The following PTPRQ variants were observed in gnomAD, a reference collection of about 807,000 sequenced individuals.
PTPRQ encodes protein tyrosine phosphatase receptor type Q.
PTPRQ carries 199 observed loss-of-function variants against 246.0 expected under a neutral mutation model. That is an observed-to-expected ratio of 0.81 (90% confidence interval 0.72 to 0.91). The LOEUF (loss-of-function observed/expected upper bound fraction) is 0.91. Ranked by LOEUF, PTPRQ falls within the 40% of genes least tolerant of loss-of-function variation. PTPRQ has a pLI of 0.00. For missense variants in PTPRQ, 2,624 were observed against 2,528.4 expected (o/e 1.04, Z -0.81); for synonymous variants, 869 against 853.2 (o/e 1.02, Z -0.32).
intron 17 of PTPRQ, among the ~76,000 whole-genome samples, chr12:80,511,536 C>T (rs1170868061): frequency 6.6e-6 from 1 of 152,138 alleles, no homozygotes; most frequent in Non-Finnish European, 1.5e-5. Flanking sequence ...CTCTTACACT[C>T]CCAAGAGATA....
Position 80,534,992 on chromosome 12 carries a change from A to G in PTPRQ, c.2940A>G (p.Gln980=), listed in dbSNP as rs749288057. The G allele has an allele frequency of 3.2e-6, 5 of 1,545,426 alleles. No individual in the cohort carries two copies. The South Asian group carries it at 3.7e-5, about 11-fold the overall frequency. ...TPPSKPNGII[Q]YYSVYYRNTS... Reference sequence around the variant, plus strand: ...CTTCAAAACCTAATGGGATTATACAATATTACTCTGTTTATTACAGAAATA... The same window carrying G: ...CTTCAAAACCTAATGGGATTATACAGTATTACTCTGTTTATTACAGAAATA... Residue 980 remains glutamine (Q), a synonymous_variant, in exon 19 of 45, where the codon CAA becomes CAG. Transcript: ENST00000644991.
intron 21 of PTPRQ, 54 bp downstream of exon 21, chr12:80,541,899 C>T (rs1413708457): frequency 9.5e-6 from 14 of 1,477,322 alleles, no homozygotes; most frequent in Non-Finnish European, 1.3e-5. Context: ...TTTTCATTTA[C>T]ATTGCTTTCT....
chr12:80,626,446 G>A (rs1899203910), intron 33 of PTPRQ, among the ~76,000 whole-genome samples: 1 of 152,116 alleles, frequency 6.6e-6, no homozygotes, highest in Non-Finnish European at 1.5e-5. Flanking sequence ...TGAAATGTTT[G>A]TTAATAAAGA....
intron 25 of PTPRQ, among the ~76,000 whole-genome samples, chr12:80,563,617 C>T (rs953355885): frequency 2.6e-5 from 4 of 152,056 alleles, no homozygotes; most frequent in Non-Finnish European, 5.9e-5. Flanking sequence ...GGTAGAAATC[C>T]GGGTTTCCAA....
rs143468337 is a variant in PTPRQ, at chr12:80,476,510, C to G, written c.1186+4259C>G. Among the ~76,000 whole-genome samples, 428 of 152,218 alleles carry G rather than the reference C, an allele frequency of 2.8e-3. 3 individuals are homozygous for G. Among genetic ancestry groups the G allele is most frequent in the South Asian group, 4.8e-3 (23 of 4,826 alleles). Reference sequence around the variant, plus strand: ...ATATCTAGGGAGTCTTTACCGGTTACTTCATGAAGACAAAGGAAAAAACTC... The same window carrying G: ...ATATCTAGGGAGTCTTTACCGGTTAGTTCATGAAGACAAAGGAAAAAACTC... On this transcript the variant is annotated intron_variant, in intron 8 of 44. Transcript: ENST00000644991.
At chr12:80,670,898 G>T (rs1900947900) in intron 42 of PTPRQ, among the ~76,000 whole-genome samples, 1 of 152,020 alleles carries the variant, frequency 6.6e-6, no homozygotes, top group Admixed American at 6.6e-5. Context: ...GTTGATATTT[G>T]CACAACATTG....
chr12:80,515,314 C>T (rs115017257), intron 17 of PTPRQ, among the ~76,000 whole-genome samples: 4,136 of 152,162 alleles, frequency 0.027, 194 homozygotes, highest in African/African-American at 0.095. Context: ...TCATTGTTAG[C>T]AGGATTACTG....
At chr12:80,450,285 G>C (rs369383297) in intron 3 of PTPRQ, among the ~76,000 whole-genome samples, 1 of 152,224 alleles carries the variant, frequency 6.6e-6, no homozygotes. Context: ...GGGCTGAGAC[G>C]ATGGGGTTTT....
In PTPRQ at chr12:80,661,309, G is replaced by GTA. The variant is rs1351022252; in HGVS notation, c.6192+3257_6192+3258dup. The stretch of plus-strand genomic sequence containing the variant: ...TTTTATATGTCTATATTTTATATAT[G>GTA]TATATATATAATATAAACATATATA... On this transcript the variant is annotated intron_variant, in intron 39 of 44. Coordinates refer to ENST00000644991, the MANE Select transcript of PTPRQ (RefSeq NM_001145026.2). 2.0e-5 allele frequency among the ~76,000 whole-genome samples: 3 copies of GTA among 147,492 alleles called. No homozygotes were observed. In the East Asian group the frequency reaches 5.9e-4, roughly 29 times the overall value.
Position 80,549,540 on chromosome 12 carries a change from A to C in PTPRQ, c.4091A>C (p.Lys1364Thr). Residue 1364 changes from lysine (K) to threonine (T), a missense_variant, in exon 25 of 45, where the codon AAA (lysine) becomes ACA (threonine). Coordinates refer to ENST00000644991, the MANE Select transcript of PTPRQ (RefSeq NM_001145026.2). ...GTTTTAGTGAAATGGGATCCACCCA[A>C]AAAGGCAAATGGAATAATAACGCAG... ...QSVLVKWDPP[K>T]KANGIITQYM... 2 of 1,551,202 alleles carry C rather than the reference A, an allele frequency of 1.3e-6. No individual in the cohort carries two copies. The highest frequency in any genetic ancestry group is 1.7e-6 in the Non-Finnish European group (2 of 1,146,584).
intron 29 of PTPRQ, among the ~76,000 whole-genome samples, chr12:80,615,832 G>A (rs1450351249): frequency 1.3e-5 from 2 of 150,996 alleles, no homozygotes; most frequent in African/African-American, 4.8e-5. Context: ...TACAGTGGCT[G>A]TAGTGCTCTG....
chr12:80,602,500 C>T (rs887208719), intron 26 of PTPRQ, among the ~76,000 whole-genome samples: 1 of 151,722 alleles, frequency 6.6e-6, no homozygotes, highest in African/African-American at 2.4e-5. Flanking sequence ...AAGGTGCAGA[C>T]AGATTTGCTT....
At chr12:80,482,876 A>G (rs1894121764) in intron 8 of PTPRQ, among the ~76,000 whole-genome samples, 1 of 128,466 alleles carries the variant, frequency 7.8e-6, no homozygotes, top group Admixed American at 7.8e-5. Context: ...TCAGGAAACA[A>G]CAGGTGCTGG....
rs957816353 is a variant in PTPRQ, at chr12:80,472,161, C to T, written c.1096C>T (p.Pro366Ser). 1.9e-6 allele frequency: 3 copies of T among 1,551,438 alleles called. No homozygotes were observed. The highest frequency in any genetic ancestry group is 2.0e-5 in the Admixed American group (1 of 50,960). ...DLKFAFTNLT[P>S]FTMYDVYIAA... ...CAAGTTTGCATTCACTAACCTAACA[C>T]CATTTACAATGTATGATGTCTATAT... The change falls in exon 8 of 45, where the codon CCA (proline) becomes TCA (serine). Residue 366 changes from proline (P) to serine (S), a missense_variant. By Grantham distance (74) the Pro-to-Ser change is moderately conservative. Coordinates refer to ENST00000644991, the MANE Select transcript of PTPRQ (RefSeq NM_001145026.2).
At chr12:80,467,217 A>C (rs1893455338) in intron 6 of PTPRQ, among the ~76,000 whole-genome samples, 1 of 152,206 alleles carries the variant, frequency 6.6e-6, no homozygotes, top group South Asian at 2.1e-4. Context: ...GACACTTCTC[A>C]AAAGAAGACA....
Position 80,669,382 on chromosome 12 carries a change from C to T in PTPRQ, c.6371C>T (p.Thr2124Ile), listed in dbSNP as rs981386590. 3 of 1,549,630 alleles carry T rather than the reference C, an allele frequency of 1.9e-6. No homozygotes were observed. The highest frequency in any genetic ancestry group is 1.7e-4 in the Middle Eastern group (1 of 5,976). Residue 2124 changes from threonine to isoleucine, a missense_variant, in exon 41 of 45, where the codon ACT (threonine) becomes ATT (isoleucine). By Grantham distance (89) the Thr-to-Ile change is moderately conservative (BLOSUM62 -1). Coordinates refer to ENST00000644991, the MANE Select transcript of PTPRQ (RefSeq NM_001145026.2). ...QYWPEDNKPV[T>I]VFGDIVITKL... Reference sequence around the variant, plus strand: ...TGGCCAGAGGACAACAAGCCAGTTACTGTCTTTGGAGATATAGTGATTACA... The same window carrying T: ...TGGCCAGAGGACAACAAGCCAGTTATTGTCTTTGGAGATATAGTGATTACA...
intron 29 of PTPRQ, among the ~76,000 whole-genome samples, chr12:80,615,219 A>T (rs1405379465): frequency 6.6e-6 from 1 of 150,936 alleles, no homozygotes; most frequent in Non-Finnish European, 1.5e-5. Context: ...GAATTTACAA[A>T]CTCAAATATT....
chr12:80,549,334 C>A, intron 24 of PTPRQ, 131 bp from the exon 25 acceptor site: 1 of 1,144,284 alleles, frequency 8.7e-7, no homozygotes, highest in Non-Finnish European at 1.2e-6. Flanking sequence ...TTTAAGCACA[C>A]ATTGAAAATT....
intron 17 of PTPRQ, among the ~76,000 whole-genome samples, chr12:80,517,285 T>A (rs1224410901): frequency 6.6e-6 from 1 of 152,180 alleles, no homozygotes; most frequent in Non-Finnish European, 1.5e-5. Context: ...CAGAGTTGAA[T>A]GGTGGCTGTC....
Sources: gnomAD v4.1 joint callset for allele counts (sites outside exome capture counted in the v4.1 genomes callset) on GRCh38, gnomAD v4.1.1 for gene constraint, MANE v1.5 for transcripts, NCBI Gene and HGNC (gene_info 2026-07-23, HGNC 2026-07-21) for gene names.